Variants in SMU1 observed in about 807,000 individuals in gnomAD.
SMU1 encodes SMU1 DNA replication regulator and spliceosomal factor.
A neutral mutation model predicts 62.0 loss-of-function variants in SMU1; 2 were observed. The observed-to-expected ratio is 0.03, with a 90% CI of 0.01 to 0.10. The LOEUF (loss-of-function observed/expected upper bound fraction) is 0.10. SMU1 is among the 10% of genes least tolerant of loss of function. The pLI is 1.00. For missense variants in SMU1, 227 were observed against 622.1 expected, an observed-to-expected ratio of 0.36 and a Z score of 6.76; for synonymous variants, 188 against 212.4, an observed-to-expected ratio of 0.89 and a Z score of 1.00.
At position 33,043,879 on chromosome 9, in the gene SMU1, A is replaced by G. The variant is rs1002482779; in HGVS notation, c.*3414T>C. On this transcript the variant is annotated 3_prime_UTR_variant, in exon 12 of 12. Transcript: ENST00000397149. ...CTGAGAATTAAATATGGCTGCTTACATAGCAAGGAAGGGCTCAACAGAGGC... is the reference window on the plus strand; with the variant it reads ...CTGAGAATTAAATATGGCTGCTTACGTAGCAAGGAAGGGCTCAACAGAGGC... 3.9e-5 allele frequency: 6 copies of G among 152,410 alleles called. No homozygotes were observed. The highest frequency in any genetic ancestry group is 1.4e-4 in the African/African-American group (6 of 41,416). The allele number at this position is 152,410 out of a possible 1,614,324, so 9.4% of individuals were successfully genotyped here.
chr9:33,067,617 G>C (rs1839437378), intron 4 of SMU1, among the ~76,000 whole-genome samples: 1 of 150,906 alleles, frequency 6.6e-6, no homozygotes, highest in South Asian at 2.1e-4. Flanking sequence ...TCCTGCCTCA[G>C]CCTCCCGAGT....
At chr9:33,049,583 C>G (rs561444726) in intron 10 of SMU1, among the ~76,000 whole-genome samples, 4 of 152,234 alleles carry the variant, frequency 2.6e-5, no homozygotes, top group African/African-American at 9.6e-5. Context: ...CATGAAATAA[C>G]TGATAAGCTA....
chr9:33,051,078 G>A lies in SMU1; in HGVS notation c.1290+2045C>T, dbSNP rs1295079536. Among the ~76,000 whole-genome samples the A allele has an allele frequency of 8.9e-5, 8 of 90,224 alleles. 3 individuals are homozygous for A. The highest frequency in any genetic ancestry group is 1.6e-4 in the African/African-American group (4 of 24,444). 59.2% of individuals were successfully genotyped at this position (90,224 alleles called of 152,430 possible). Reference sequence around the variant, plus strand: ...GGAGCTTGCAGTGAGCCGAGATCGCGCCACTGCACTCCAGCCTGGGCGACA... The same window carrying A: ...GGAGCTTGCAGTGAGCCGAGATCGCACCACTGCACTCCAGCCTGGGCGACA... On this transcript the variant is annotated intron_variant, in intron 10 of 11. Coordinates refer to ENST00000397149, the MANE Select transcript of SMU1 (RefSeq NM_018225.3).
Position 33,075,410 on chromosome 9 carries a change from G to T in SMU1, c.26+1173C>A, listed in dbSNP as rs1839535163. ...AAAAGGGAACTGATTGCTGCTACCT[G>T]CAGTAGTCTTTTTCTCTCATGGCCC... On this transcript the variant is annotated intron_variant, in intron 1 of 11. Coordinates refer to ENST00000397149, the MANE Select transcript of SMU1 (RefSeq NM_018225.3). Among the ~76,000 whole-genome samples, 6 of 151,924 alleles carry T rather than the reference G, an allele frequency of 3.9e-5. No individual in the cohort carries two copies. The South Asian group carries it at 1.0e-3, about 26-fold the overall frequency.
At chr9:33,075,435 C>T (rs1192177355) in intron 1 of SMU1, among the ~76,000 whole-genome samples, 1 of 152,044 alleles carries the variant, frequency 6.6e-6, no homozygotes, top group Non-Finnish European at 1.5e-5. Flanking sequence ...TCTCATGGCC[C>T]CTTTATGAGG....
intron 3 of SMU1, 141 bp downstream of exon 3, chr9:33,071,599 A>G (rs1839487417): frequency 5.7e-6 from 5 of 879,892 alleles, no homozygotes; most frequent in Non-Finnish European, 8.4e-6. Context: ...GCCAACATAT[A>G]TAAACAGAGA....
intron 6 of SMU1, among the ~76,000 whole-genome samples, chr9:33,060,166 G>A (rs754463845): frequency 6.6e-6 from 1 of 151,968 alleles, no homozygotes; most frequent in Non-Finnish European, 1.5e-5. Flanking sequence ...ACACAAGCAT[G>A]CATGGTTAAT....
At chr9:33,066,193 A>G (rs1839417275) in intron 4 of SMU1, among the ~76,000 whole-genome samples, 1 of 152,144 alleles carries the variant, frequency 6.6e-6, no homozygotes. Flanking sequence ...ACTCCCACAT[A>G]TGGTCAGCAA....
In SMU1 at chr9:33,068,636, C is replaced by G. The variant is rs1199347567; in HGVS notation, c.501+188G>C. Among the ~76,000 whole-genome samples the G allele has an allele frequency of 2.0e-5, 3 of 152,078 alleles. No individual in the cohort carries two copies. The South Asian group carries it at 6.2e-4, about 32-fold the overall frequency. ...TGTCCCACCTCAGCCTCCCAAGTAA[C>G]TGAGACCACAGGCACACCCCACCAT... On this transcript the variant is annotated intron_variant, in intron 4 of 11. Transcript: ENST00000397149.
chr9:33,073,866 G>C, intron 1 of SMU1, 60 bp from the exon 2 acceptor site: 7 of 1,445,482 alleles, frequency 4.8e-6, no homozygotes, highest in Non-Finnish European at 9.6e-7. Context: ...CAAAAATAAA[G>C]CCTATCAAGC....
In SMU1 at chr9:33,047,267, G is replaced by C. The variant is rs1403989181; in HGVS notation, c.*26C>G. 4 of 1,508,020 alleles carry C rather than the reference G, an allele frequency of 2.7e-6. No homozygotes were observed. Among genetic ancestry groups the C allele is most frequent in the African/African-American group, 1.4e-5 (1 of 71,432 alleles). 93.4% of individuals were successfully genotyped at this position (1,508,020 alleles called of 1,614,324 possible). A position where few individuals can be genotyped will look rare whatever the true frequency, so the allele number is the denominator to read the frequency against. On this transcript the variant is annotated 3_prime_UTR_variant, in exon 12 of 12. Coordinates refer to ENST00000397149, the MANE Select transcript of SMU1 (RefSeq NM_018225.3). ...ATGCTTCATTTAAGTACATGCTTTC[G>C]AGCTGATTTAAAAAGAAAAGTTGAA...
chr9:33,050,609 C>T (rs1839233248), intron 10 of SMU1, among the ~76,000 whole-genome samples: 1 of 150,408 alleles, frequency 6.6e-6, no homozygotes, highest in South Asian at 2.1e-4. Context: ...GAGTGCATCA[C>T]GAGGTCAGGA....
At chr9:33,062,388 G>C (rs1839372625) in intron 4 of SMU1, among the ~76,000 whole-genome samples, 5 of 152,276 alleles carry the variant, frequency 3.3e-5, no homozygotes, top group Admixed American at 3.3e-4. Context: ...GGGGACCTGA[G>C]AGCCAACAAG....
chr9:33,055,785 G>A (rs1769001754), intron 9 of SMU1, among the ~76,000 whole-genome samples: 1 of 152,172 alleles, frequency 6.6e-6, no homozygotes, highest in Admixed American at 6.5e-5. Flanking sequence ...ACTGTTAGCA[G>A]GTGGACCATA....
At chr9:33,057,050 G>T in intron 7 of SMU1, 86 bp from the exon 8 acceptor site, 2 of 1,403,672 alleles carry the variant, frequency 1.4e-6, no homozygotes, top group Non-Finnish European at 1.9e-6. Context: ...AAGATGCAAT[G>T]CTCACTAATG....
chr9:33,042,564 C>T lies in SMU1; in HGVS notation c.*4729G>A, dbSNP rs10971361. ...TCTGTACGTGAAATTAGCTTCTCAA[C>T]TTTTTTGTACGTACGGTACTGGTTC... is the stretch of plus-strand genomic sequence containing the variant. On this transcript the variant is annotated 3_prime_UTR_variant, in exon 12 of 12. Coordinates refer to ENST00000397149, the MANE Select transcript of SMU1 (RefSeq NM_018225.3). The T allele has an allele frequency of 2.0e-5, 3 of 151,966 alleles. No individual in the cohort carries two copies. Among genetic ancestry groups the T allele is most frequent in the South Asian group, 2.1e-4 (1 of 4,824 alleles). The allele number at this position is 151,966 out of a possible 1,614,324, so 9.4% of individuals were successfully genotyped here. A position where few individuals can be genotyped will look rare whatever the true frequency, so the allele number is the denominator to read the frequency against.
chr9:33,072,096 G>A (rs544588057), intron 2 of SMU1, among the ~76,000 whole-genome samples: 7 of 151,284 alleles, frequency 4.6e-5, no homozygotes, highest in South Asian at 2.1e-4. Flanking sequence ...CACTGTGGGA[G>A]GCCAAGATGG....
intron 2 of SMU1, 60 bp downstream of exon 2, chr9:33,073,536 G>A (rs969709953): frequency 1.3e-5 from 17 of 1,261,332 alleles, no homozygotes; most frequent in Non-Finnish European, 1.8e-5. Context: ...ACGCTTTTTA[G>A]TTGGGGAGCT....
chr9:33,070,035 G>C (rs1210257099), intron 3 of SMU1, among the ~76,000 whole-genome samples: 2 of 152,024 alleles, frequency 1.3e-5, no homozygotes, highest in African/African-American at 4.8e-5. Context: ...TGAGGCACGA[G>C]AATTACTTGG....
Sources: gnomAD v4.1 joint callset for allele counts (sites outside exome capture counted in the v4.1 genomes callset) on GRCh38, gnomAD v4.1.1 for gene constraint, MANE v1.5 for transcripts, NCBI Gene and HGNC (gene_info 2026-07-23, HGNC 2026-07-21) for gene names.